COL27A1: variants seen among roughly 807,000 people sequenced by gnomAD.
COL27A1 encodes collagen alpha-1(XXVII) chain.
A neutral mutation model predicts 251.3 loss-of-function variants in COL27A1; 106 were observed. That is an observed-to-expected ratio of 0.42 (90% confidence interval 0.36 to 0.50). The LOEUF (loss-of-function observed/expected upper bound fraction) is 0.50, where lower values mean the gene tolerates loss of function less well. Among genes scored for constraint, COL27A1 ranks in the 20% least tolerant of loss-of-function variants. The pLI is 0.00. For synonymous variants in COL27A1, 1,000 were observed against 986.3 expected, an observed-to-expected ratio of 1.01 and a Z score of -0.26; for missense variants, 2,325 against 2,522.8, an observed-to-expected ratio of 0.92 and a Z score of 1.68.
intron 14 of COL27A1, among the ~76,000 whole-genome samples, chr9:114,225,423 C>A (rs1205236564): frequency 6.6e-6 from 1 of 152,196 alleles, no homozygotes; most frequent in Admixed American, 6.5e-5. Flanking sequence ...TTTTTAGATT[C>A]TTTTCACTGC....
intron 49 of COL27A1, among the ~76,000 whole-genome samples, chr9:114,299,470 T>G (rs1320059335): frequency 6.6e-6 from 1 of 152,138 alleles, no homozygotes; most frequent in Non-Finnish European, 1.5e-5. Flanking sequence ...GGAGCAGAGG[T>G]CAGGAAAGGA....
chr9:114,185,648 G>A (rs1482076010), intron 5 of COL27A1, among the ~76,000 whole-genome samples: 1 of 152,260 alleles, frequency 6.6e-6, no homozygotes. Flanking sequence ...TGGTGGGACT[G>A]TAGGGCTGGC....
At position 114,155,917 on chromosome 9, in the gene COL27A1, C is replaced by T. The variant is rs757640095; in HGVS notation, c.-34C>T. On this transcript the variant is annotated 5_prime_UTR_variant, in exon 1 of 61. Coordinates refer to ENST00000356083, the MANE Select transcript of COL27A1 (RefSeq NM_032888.4). This position sits in a 1 kb window ranked among gnomAD's most constrained non-coding sequence, Gnocchi z 5.5. ...CCCATGGGGCGCGCCCACACTTGCC[C>T]CCCGGGCTCGGGAGCATGAAGTAGG... is the stretch of plus-strand genomic sequence containing the variant. The T allele has an allele frequency of 4.9e-6, 6 of 1,216,984 alleles. No individual in the cohort carries two copies. Among genetic ancestry groups the T allele is most frequent in the Non-Finnish European group, 6.2e-6 (6 of 975,408 alleles). 75.4% of individuals were successfully genotyped at this position (1,216,984 alleles called of 1,614,324 possible).
chr9:114,309,235 G>T (rs748160799), intron 59 of COL27A1, 25 bp from the exon 60 acceptor site: 9 of 1,605,308 alleles, frequency 5.6e-6, no homozygotes, highest in Admixed American at 1.7e-5. Flanking sequence ...AGCCTGAGCC[G>T]CTCACTGCCG....
intron 21 of COL27A1, among the ~76,000 whole-genome samples, chr9:114,241,188 C>T (rs1178884706): frequency 6.6e-6 from 1 of 152,254 alleles, no homozygotes; most frequent in African/African-American, 2.4e-5. Context: ...CCTGATTTTG[C>T]CCTGTGCACG....
chr9:114,310,075 G>A lies in COL27A1; in HGVS notation c.5437-474G>A, dbSNP rs559929887. 2.6e-5 allele frequency among the ~76,000 whole-genome samples: 4 copies of A among 152,132 alleles called. No homozygotes were observed. The South Asian group carries it at 8.3e-4, about 32-fold the overall frequency. On this transcript the variant is annotated intron_variant, in intron 60 of 60. Transcript: ENST00000356083. The stretch of plus-strand genomic sequence containing the variant: ...ATTTTCAGGGGAGCTAAGCTATGAA[G>A]ACACAAAGGCATAAGAATGGTACAA...
Position 114,290,589 on chromosome 9 carries a change from C to T in COL27A1, c.4369-221C>T, listed in dbSNP as rs558870460. ...TGCCTGGTGGATAGGGTTCCTCTCC[C>T]GCCCCTTCCTCACTCAGAATCCCGC... On this transcript the variant is annotated intron_variant, in intron 47 of 60. Coordinates refer to ENST00000356083, the MANE Select transcript of COL27A1 (RefSeq NM_032888.4). The surrounding 1 kb of genome is among the most constrained non-coding windows in gnomAD (Gnocchi z 4.6). Among the ~76,000 whole-genome samples, 2 of 152,218 alleles carry T rather than the reference C, an allele frequency of 1.3e-5. No homozygotes were observed. The highest frequency in any genetic ancestry group is 2.4e-5 in the African/African-American group (1 of 41,518).
At chr9:114,222,338 G>A in intron 14 of COL27A1, 71 bp downstream of exon 14, 2 of 1,420,124 alleles carry the variant, frequency 1.4e-6, no homozygotes, top group Non-Finnish European at 2.0e-6. Context: ...CGTGTGGGGA[G>A]CCAGGAGCAG....
intron 17 of COL27A1, among the ~76,000 whole-genome samples, chr9:114,236,231 GTCC>G (rs1245983687): frequency 6.6e-6 from 1 of 152,122 alleles, no homozygotes; most frequent in Non-Finnish European, 1.5e-5. Flanking sequence ...TGAGAGGCAT[GTCC>G]TCCCCTCACT....
intron 37 of COL27A1, among the ~76,000 whole-genome samples, chr9:114,277,477 A>G (rs999750024): frequency 2.0e-5 from 3 of 152,278 alleles, no homozygotes; most frequent in Middle Eastern, 3.4e-3. Flanking sequence ...TCCCCCCTGA[A>G]GTGTTTACAT....
In COL27A1 at chr9:114,301,065, C is replaced by G. The variant is rs1315583860; in HGVS notation, c.4702-7C>G. 14 of 1,604,896 alleles carry G rather than the reference C, an allele frequency of 8.7e-6. No homozygotes were observed. Among genetic ancestry groups the G allele is most frequent in the Non-Finnish European group, 1.2e-5 (14 of 1,175,512 alleles). Reference sequence around the variant, plus strand: ...CAAGGACACATGAGCCTTTCTGTCTCCTTTAGGGAAAGGAAGGCATCGTCG... The same window carrying G: ...CAAGGACACATGAGCCTTTCTGTCTGCTTTAGGGAAAGGAAGGCATCGTCG... On this transcript the variant is annotated splice_region_variant and splice_polypyrimidine_tract_variant and intron_variant, in intron 51 of 60. Transcript: ENST00000356083.
intron 27 of COL27A1, among the ~76,000 whole-genome samples, chr9:114,257,408 A>T (rs56965875): frequency 6.6e-6 from 1 of 151,912 alleles, no homozygotes; most frequent in African/African-American, 2.4e-5. Context: ...CCTGCTTCCC[A>T]TCTTCTCCTG....
chr9:114,308,978 C>T (rs571069652), intron 59 of COL27A1, among the ~76,000 whole-genome samples: 16 of 152,272 alleles, frequency 1.1e-4, no homozygotes, highest in African/African-American at 3.4e-4. Context: ...CCAAAGACCC[C>T]CCATACAGTA....
At chr9:114,245,485 A>G (rs902465703) in intron 23 of COL27A1, among the ~76,000 whole-genome samples, 1 of 152,128 alleles carries the variant, frequency 6.6e-6, no homozygotes, top group Non-Finnish European at 1.5e-5. Flanking sequence ...CGGGCAGACC[A>G]AGGTTTCGGT....
rs141796506 is a variant in COL27A1, at chr9:114,307,790, C to T, written c.5217+12C>T. The stretch of plus-strand genomic sequence containing the variant: ...TCACGGCCTCCAAGGTACCCATCAG[C>T]TCCCACACTGCCCACCAGGCTGTCT... On this transcript the variant is annotated intron_variant, in intron 59 of 60. Transcript: ENST00000356083. The T allele has an allele frequency of 7.2e-4, 1,137 of 1,586,974 alleles. No homozygotes were observed. Among genetic ancestry groups the T allele is most frequent in the Non-Finnish European group, 8.8e-4 (1,015 of 1,156,436 alleles).
intron 36 of COL27A1, among the ~76,000 whole-genome samples, chr9:114,275,406 C>T (rs987466644): frequency 6.6e-6 from 1 of 152,222 alleles, no homozygotes; most frequent in African/African-American, 2.4e-5. Context: ...CTCTGCCCTT[C>T]GCAGCCCAGG....
chr9:114,289,160 C>A, intron 44 of COL27A1, 82 bp from the exon 45 acceptor site: 8 of 1,357,992 alleles, frequency 5.9e-6, no homozygotes, highest in South Asian at 1.3e-5. Flanking sequence ...CTCCCCACCC[C>A]TCCCCCTCCA....
chr9:114,303,242 C>CTTTTTTTTTTTTTTTT (rs71367759), intron 56 of COL27A1, among the ~76,000 whole-genome samples: 1 of 132,206 alleles, frequency 7.6e-6, no homozygotes, highest in African/African-American at 2.7e-5. Flanking sequence ...TTTTTCTTTT[C>CTTTTTTTTTTTTTTTT]TTTTTTTTTT....
At chr9:114,156,105 C>T in intron 1 of COL27A1, 93 bp downstream of exon 1, 5 of 1,283,862 alleles carry the variant, frequency 3.9e-6, no homozygotes, top group Non-Finnish European at 4.9e-6. Context: ...TCGCTTCCAG[C>T]GGAACGTCAG....
Sources: allele counts gnomAD v4.1 joint callset (sites outside exome capture counted in the v4.1 genomes callset), GRCh38; gene constraint gnomAD v4.1.1; non-coding constraint Gnocchi (gnomAD v3.1); transcripts MANE v1.5; gene names NCBI Gene and HGNC (gene_info 2026-07-23, HGNC 2026-07-21).